Variants in IGSF10 observed in about 807,000 individuals in gnomAD.
IGSF10 encodes the protein immunoglobulin superfamily member 10, also known as calvaria mechanical force protein 608.
IGSF10 carries 126 observed loss-of-function variants against 128.2 expected under a neutral mutation model. The observed-to-expected ratio is 0.98, with a 90% CI of 0.85 to 1.14. The LOEUF (loss-of-function observed/expected upper bound fraction) is 1.14. Ranked by LOEUF, IGSF10 falls within the 50% of genes most tolerant of loss-of-function variation. IGSF10 has a pLI of 0.00. For synonymous variants in IGSF10, 1,185 were observed against 1,146.2 expected (o/e 1.03, Z -0.68); for missense variants, 3,295 against 3,149.8 (o/e 1.05, Z -1.10).
At chr3:151,550,039 A>C in the IGSF10 span, among the ~76,000 whole-genome samples, 2 of 152,168 alleles carry the variant, frequency 1.3e-5, no homozygotes, top group African/African-American at 4.8e-5. Context: ...ATTTGGGCTG[A>C]GAAACTATAG....
chr3:151,485,826 G>A, the IGSF10 span, among the ~76,000 whole-genome samples: 17 of 152,062 alleles, frequency 1.1e-4, no homozygotes, highest in South Asian at 2.1e-4. Context: ...AGGATCAACC[G>A]GTACCAGCCA....
the IGSF10 span, among the ~76,000 whole-genome samples, chr3:151,473,600 C>T: frequency 6.6e-6 from 1 of 152,124 alleles, no homozygotes; most frequent in Non-Finnish European, 1.5e-5. Context: ...TGTGGTTATA[C>T]ACCCTTACTA....
the IGSF10 span, among the ~76,000 whole-genome samples, chr3:151,497,069 A>C: frequency 6.6e-6 from 1 of 152,088 alleles, no homozygotes; most frequent in Non-Finnish European, 1.5e-5. Context: ...TAGATTCTGG[A>C]TATTAGCCCT....
Position 151,453,442 on chromosome 3 carries a change from G to A in IGSF10, c.657C>T (p.Asn219=). Residue 219 remains asparagine (N), a synonymous_variant, in exon 5 of 8, where the codon AAC becomes AAT. Coordinates refer to ENST00000282466, the MANE Select transcript of IGSF10 (RefSeq NM_178822.5). ...TTAAATGGCAATCACAGGTCCATGGGTTTCCATGCAGGTAAAGGCTGTCTA... is the reference window on the plus strand; with the variant it reads ...TTAAATGGCAATCACAGGTCCATGGATTTCCATGCAGGTAAAGGCTGTCTA... ...PDLDSLYLHG[N]PWTCDCHLKW... 1.2e-6 allele frequency: 2 copies of A among 1,613,388 alleles called. No homozygotes were observed. Among genetic ancestry groups the A allele is most frequent in the Non-Finnish European group, 1.7e-6 (2 of 1,179,790 alleles).
At chr3:151,597,600 C>G in the IGSF10 span, among the ~76,000 whole-genome samples, 5 of 152,194 alleles carry the variant, frequency 3.3e-5, no homozygotes, top group Non-Finnish European at 7.3e-5. Flanking sequence ...GGGAAATACC[C>G]TGGCATGCTC....
At chr3:151,500,026 C>A in the IGSF10 span, among the ~76,000 whole-genome samples, 1 of 152,044 alleles carries the variant, frequency 6.6e-6, no homozygotes, top group East Asian at 1.9e-4. Flanking sequence ...ACACTATTGT[C>A]ATAAAATCAT....
At chr3:151,582,298 G>GA in the IGSF10 span, among the ~76,000 whole-genome samples, 1 of 111,060 alleles carries the variant, frequency 9.0e-6, no homozygotes, top group African/African-American at 3.3e-5. Flanking sequence ...TATCCGGGGG[G>GA]GGGGGCGGGA....
chr3:151,438,930 T>C (rs2108529700), intron 7 of IGSF10, among the ~76,000 whole-genome samples: 1 of 152,260 alleles, frequency 6.6e-6, no homozygotes, highest in East Asian at 1.9e-4. Context: ...TGTTTTTGTA[T>C]GTGTGATTAG....
At chr3:151,551,844 T>C in the IGSF10 span, among the ~76,000 whole-genome samples, 1 of 152,212 alleles carries the variant, frequency 6.6e-6, no homozygotes, top group East Asian at 1.9e-4. Flanking sequence ...CTAGAGCCTA[T>C]ATTCAAACAT....
In IGSF10 at chr3:151,446,641, C is replaced by G. The variant is rs771103037; in HGVS notation, c.3340G>C (p.Glu1114Gln). ...GTTTTCTCTACACTGGGTTTGTTCT[C>G]AAGTAGTAATAGTGGATTCTGGACT... ...TLVQNPLLLL[E>Q]NKPSVEKTTP... Residue 1114 changes from glutamate to glutamine, a missense_variant, in exon 6 of 8, where the codon GAG becomes CAG. Glu to Gln is a conservative substitution (Grantham distance 29). Transcript: ENST00000282466. 1.8e-5 allele frequency: 29 copies of G among 1,613,900 alleles called. No homozygotes were observed. In the African/African-American group the frequency reaches 3.3e-4, roughly 19 times the overall value.
the IGSF10 span, among the ~76,000 whole-genome samples, chr3:151,512,835 C>A: frequency 1.3e-5 from 2 of 152,156 alleles, no homozygotes; most frequent in South Asian, 2.1e-4. Context: ...ACTACAAACA[C>A]CTCTATGCAA....
chr3:151,469,188 G>A, the IGSF10 span, among the ~76,000 whole-genome samples: 4 of 152,144 alleles, frequency 2.6e-5, no homozygotes, highest in African/African-American at 7.2e-5. Flanking sequence ...GAATAGTGCT[G>A]CAATGAACAT....
the IGSF10 span, among the ~76,000 whole-genome samples, chr3:151,614,522 G>T: frequency 6.6e-6 from 1 of 152,060 alleles, no homozygotes; most frequent in Admixed American, 6.6e-5. Flanking sequence ...TCCTTTGTAG[G>T]GACATGGATG....
In IGSF10 at chr3:151,437,634, G is replaced by A. The variant is rs201962174; in HGVS notation, c.6927C>T (p.Ala2309=). Residue 2309 remains alanine, a synonymous_variant, in exon 8 of 8, where the codon GCC becomes GCT. Coordinates refer to ENST00000282466, the MANE Select transcript of IGSF10 (RefSeq NM_178822.5). ...EIRNVRLSDS[A]DFICVARNEG... ...CATTTCGGGCCACACAGATAAAGTC[G>A]GCTGAATCTGAAAGCCTCACATTCC... 685 of 1,613,984 alleles carry A rather than the reference G, an allele frequency of 4.2e-4. 1 individual carries two copies. The highest frequency in any genetic ancestry group is 5.6e-4 in the Non-Finnish European group (659 of 1,180,032).
chr3:151,437,017 G>T lies in IGSF10; in HGVS notation c.7544C>A (p.Thr2515Lys), dbSNP rs753188853. 6.2e-7 allele frequency: 1 copy of T among 1,614,072 alleles called. No homozygotes were observed. The highest frequency in any genetic ancestry group is 2.2e-5 in the East Asian group (1 of 44,884). ...ICKAQNSVGH[T>K]LITVPVMIVA... ...AATCATTACTGGAACAGTAATCAGT[G>T]TATGACCAACACTATTTTGAGCCTT... is the stretch of plus-strand genomic sequence containing the variant. Residue 2515 changes from threonine to lysine, a missense_variant, in exon 8 of 8, where the codon ACA becomes AAA. Physicochemically the swap from Thr to Lys is moderately conservative, Grantham distance 78. Transcript: ENST00000282466.
intron 7 of IGSF10, among the ~76,000 whole-genome samples, chr3:151,441,862 C>G (rs1383111188): frequency 6.6e-6 from 1 of 152,232 alleles, no homozygotes; most frequent in East Asian, 1.9e-4. Context: ...GAGATCAAGA[C>G]CATCCTGGCT....
At chr3:151,438,757 A>G (rs1421574746) in intron 7 of IGSF10, among the ~76,000 whole-genome samples, 160 bp from the exon 8 acceptor site, 1 of 151,842 alleles carries the variant, frequency 6.6e-6, no homozygotes, top group Non-Finnish European at 1.5e-5. Flanking sequence ...AGAGATATAT[A>G]TACATTTTGA....
upstream of IGSF10, among the ~76,000 whole-genome samples, chr3:151,465,219 T>C (rs1722237924): frequency 6.6e-6 from 1 of 152,202 alleles, no homozygotes; most frequent in Admixed American, 6.5e-5. Flanking sequence ...ATCTCACATT[T>C]TTGTTAGTGA....
At chr3:151,607,026 A>G in the IGSF10 span, among the ~76,000 whole-genome samples, 1 of 152,218 alleles carries the variant, frequency 6.6e-6, no homozygotes, top group Non-Finnish European at 1.5e-5. Context: ...CCTCAGGCAC[A>G]CTACTTCCCT....
Sources: allele counts gnomAD v4.1 joint callset (sites outside exome capture counted in the v4.1 genomes callset), GRCh38; gene constraint gnomAD v4.1.1; transcripts MANE v1.5; gene names NCBI Gene and HGNC (gene_info 2026-07-23, HGNC 2026-07-21).